The following VWA1 variants were observed in gnomAD, a reference collection of about 807,000 sequenced individuals.
VWA1 encodes the protein von Willebrand factor A domain-containing protein 1.
Under a neutral mutation model 14.9 loss-of-function variants are expected in VWA1, and 12 were observed. The ratio of observed to expected loss-of-function variants is 0.80; its 90% CI spans 0.52 to 1.30. The LOEUF (loss-of-function observed/expected upper bound fraction) is 1.30. Ranked by LOEUF, VWA1 falls within the 50% of genes most tolerant of loss-of-function variation. The probability of loss-of-function intolerance (pLI) is 0.00; values close to 1 mark genes in which losing one functional copy is unlikely to be tolerated. For missense variants in VWA1, 800 were observed against 649.1 expected (o/e 1.23, Z -2.53); for synonymous variants, 368 against 310.7 (o/e 1.18, Z -1.94).
chr1:1,437,251 CA>C lies in VWA1; in HGVS notation c.399del (p.Val135CysfsTer8). The C allele has an allele frequency of 6.2e-7, 1 of 1,610,528 alleles. No individual in the cohort carries two copies. Among genetic ancestry groups the C allele is most frequent in the East Asian group, 2.2e-5 (1 of 44,866 alleles). Reference protein sequence around the residue: ...QLFAEASGARPGVPKVLVWVT... With the variant: ...QLFAEASGARXGVPKVLVWVT... ...TTTGCTGAAGCATCAGGTGCCCGGC[CA>C]GGGGTGCCCAAAGTGCTGGTGTGGG... On this transcript the variant is annotated frameshift_variant, in exon 2 of 3. Coordinates refer to ENST00000476993, the MANE Select transcript of VWA1 (RefSeq NM_022834.5). LOFTEE classifies it high-confidence loss of function.
Position 1,439,985 on chromosome 1 carries a change from G to T in VWA1, c.*198G>T. 1.8e-6 allele frequency: 1 copy of T among 566,534 alleles called. No homozygotes were observed. 35.1% of individuals were successfully genotyped at this position (566,534 alleles called of 1,614,324 possible). A position where few individuals can be genotyped will look rare whatever the true frequency, so the allele number is the denominator to read the frequency against. ...GCCTGCCCTCCAGGGCTGGGGCCTC[G>T]CCTGGCGGGACCCCGCAGCAGCCCC... On this transcript the variant is annotated 3_prime_UTR_variant, in exon 3 of 3. Transcript: ENST00000476993.
chr1:1,439,116 A>C lies in VWA1; in HGVS notation c.667A>C (p.Ile223Leu). ...GCCGCAGCAGCTCCATGCCACGGAG[A>C]TCACGTCCAGCGGCTTCCGCCTGGC... ...MRPQQLHATE[I>L]TSSGFRLAWP... The change falls in exon 3 of 3, where the codon ATC becomes CTC. Residue 223 changes from isoleucine to leucine, a missense_variant. Physicochemically the swap from Ile to Leu is conservative, Grantham distance 5 (BLOSUM62 2). Transcript: ENST00000476993. 3 of 1,600,374 alleles carry C rather than the reference A, an allele frequency of 1.9e-6. No homozygotes were observed. The highest frequency in any genetic ancestry group is 2.5e-6 in the Non-Finnish European group (3 of 1,179,490).
In VWA1 at chr1:1,441,310, G is replaced by C. The variant is rs1413375095; in HGVS notation, c.*1523G>C. The C allele has an allele frequency of 6.6e-6, 1 of 152,296 alleles. No individual in the cohort carries two copies. Among genetic ancestry groups the C allele is most frequent in the Admixed American group, 6.5e-5 (1 of 15,284 alleles). The allele number at this position is 152,296 out of a possible 1,614,324, so 9.4% of individuals were successfully genotyped here. ...AAACCCAAGGCCACACCGCCCACCA[G>C]CTGGGTGTGGTCACCATTCATGGAG... On this transcript the variant is annotated 3_prime_UTR_variant, in exon 3 of 3. Transcript: ENST00000476993.
chr1:1,437,170 A>G lies in VWA1; in HGVS notation c.317A>G (p.Gln106Arg), dbSNP rs1638563269. 6.2e-7 allele frequency: 1 copy of G among 1,610,660 alleles called. No homozygotes were observed. Among genetic ancestry groups the G allele is most frequent in the Admixed American group, 1.7e-5 (1 of 59,812 alleles). ...CAGGATGCGGTGCGTGCTTCTGCCC[A>G]GCGCATGGGTGACACCCACACTGGC... is the stretch of plus-strand genomic sequence containing the variant. ...AAQDAVRASA[Q>R]RMGDTHTGLA... Residue 106 changes from glutamine to arginine, a missense_variant, in exon 2 of 3, where the codon CAG becomes CGG. Physicochemically the swap from Gln to Arg is conservative, Grantham distance 43. Coordinates refer to ENST00000476993, the MANE Select transcript of VWA1 (RefSeq NM_022834.5).
At chr1:1,436,476 CT>C (rs1638544855) in intron 1 of VWA1, among the ~76,000 whole-genome samples, 1 of 152,238 alleles carries the variant, frequency 6.6e-6, no homozygotes, top group Non-Finnish European at 1.5e-5. Flanking sequence ...ACACCTTCCC[CT>C]GCTGCTGTGT....
In VWA1 at chr1:1,436,979, A is replaced by G; in HGVS notation, c.126A>G (p.Ser42=). ...RGDLMFLLDS[S]ASVSHYEFSR... is the part of the protein sequence containing the mutation. Reference sequence around the variant, plus strand: ...ACCTGATGTTCCTGCTGGACAGCTCAGCCAGCGTCTCTCACTACGAGTTCT... The same window carrying G: ...ACCTGATGTTCCTGCTGGACAGCTCGGCCAGCGTCTCTCACTACGAGTTCT... Residue 42 remains serine (S), a synonymous_variant, in exon 2 of 3, where the codon TCA becomes TCG. Coordinates refer to ENST00000476993, the MANE Select transcript of VWA1 (RefSeq NM_022834.5). 1 of 1,612,576 alleles carries G rather than the reference A, an allele frequency of 6.2e-7. No homozygotes were observed. The highest frequency in any genetic ancestry group is 1.3e-5 in the African/African-American group (1 of 75,058).
In VWA1 at chr1:1,439,777, G is replaced by T; in HGVS notation, c.1328G>T (p.Arg443Leu). The stretch of plus-strand genomic sequence containing the variant: ...GCCCCGACCCCGGGGACCGCCAGCC[G>T]TGAGCCGTAAGCCGGCGTCCCCGCC... The part of the protein sequence containing the change: ...PRAPTPGTAS[R>L]EP Residue 443 changes from arginine to leucine, a missense_variant, in exon 3 of 3, where the codon CGT becomes CTT. Coordinates refer to ENST00000476993, the MANE Select transcript of VWA1 (RefSeq NM_022834.5). The T allele has an allele frequency of 9.3e-7, 1 of 1,080,474 alleles. No homozygotes were observed. Among genetic ancestry groups the T allele is most frequent in the Non-Finnish European group, 1.1e-6 (1 of 891,940 alleles). The allele number at this position is 1,080,474 out of a possible 1,614,324, so 66.9% of individuals were successfully genotyped here.
rs572587594 is a variant in VWA1, at chr1:1,437,411, C to G, written c.558C>G (p.Ala186=). ...LELSAAASAP[A]EKHLHFVDVD... ...TGTCAGCCGCTGCCTCAGCCCCTGCCGAGAAGCACCTGCACTTTGTGGACG... is the reference window on the plus strand; with the variant it reads ...TGTCAGCCGCTGCCTCAGCCCCTGCGGAGAAGCACCTGCACTTTGTGGACG... The change falls in exon 2 of 3, where the codon GCC becomes GCG. Residue 186 remains alanine, a synonymous_variant. Coordinates refer to ENST00000476993, the MANE Select transcript of VWA1 (RefSeq NM_022834.5). 3.1e-6 allele frequency: 5 copies of G among 1,612,682 alleles called. No homozygotes were observed. In the Admixed American group the frequency reaches 5.0e-5, roughly 16 times the overall value.
chr1:1,439,196 C>A lies in VWA1; in HGVS notation c.747C>A (p.Pro249=). The change falls in exon 3 of 3, where the codon CCC becomes CCA. Residue 249 remains proline, a synonymous_variant. Coordinates refer to ENST00000476993, the MANE Select transcript of VWA1 (RefSeq NM_022834.5). ...DSGYYVLELV[P]SAQPGAARRQ... is the part of the protein sequence containing the mutation. ...GCTACTATGTGCTGGAGCTGGTGCC[C>A]AGCGCCCAGCCGGGGGCTGCAAGAC... 6.2e-7 allele frequency: 1 copy of A among 1,606,294 alleles called. No individual in the cohort carries two copies.
rs759437279 is a variant in VWA1, at chr1:1,442,808, C to T, written c.*3021C>T. On this transcript the variant is annotated 3_prime_UTR_variant, in exon 3 of 3. Coordinates refer to ENST00000476993, the MANE Select transcript of VWA1 (RefSeq NM_022834.5). ...GGGTGTCCAAGCGTGGGCCACGCTGCTGGGAGCCACCTAGGGAAGCAGGTC... is the reference window on the plus strand; with the variant it reads ...GGGTGTCCAAGCGTGGGCCACGCTGTTGGGAGCCACCTAGGGAAGCAGGTC... 2 of 120,976 alleles carry T rather than the reference C, an allele frequency of 1.7e-5. No individual in the cohort carries two copies. Among genetic ancestry groups the T allele is most frequent in the African/African-American group, 3.2e-5 (1 of 31,174 alleles). The allele number at this position is 120,976 out of a possible 1,614,324, so 7.5% of individuals were successfully genotyped here.
chr1:1,439,050 G>C (rs1638601161), intron 2 of VWA1, 31 bp from the exon 3 acceptor site: 1 of 1,586,770 alleles, frequency 6.3e-7, no homozygotes, highest in African/African-American at 1.3e-5. Context: ...GGAACTGACC[G>C]CTGTTCCCTG....
Position 1,437,477 on chromosome 1 carries a change from C to T in VWA1, c.624C>T (p.Ser208=). 1 of 1,601,090 alleles carries T rather than the reference C, an allele frequency of 6.2e-7. No homozygotes were observed. The highest frequency in any genetic ancestry group is 8.5e-7 in the Non-Finnish European group (1 of 1,170,784). The change falls in exon 2 of 3, where the codon TCC becomes TCT. Residue 208 remains serine, a synonymous_variant. Coordinates refer to ENST00000476993, the MANE Select transcript of VWA1 (RefSeq NM_022834.5). The part of the protein sequence containing the change: ...LHIIVQELRG[S]ILDAMRPQQL... Reference sequence around the variant, plus strand: ...TCATTGTCCAAGAGCTGAGGGGCTCCATTCTCGGTATGCGGGAGGAGGCAG... The same window carrying T: ...TCATTGTCCAAGAGCTGAGGGGCTCTATTCTCGGTATGCGGGAGGAGGCAG...
rs770459269 is a variant in VWA1 at position 1,437,199 on chromosome 1, G to A, written c.346G>A (p.Ala116Thr). The part of the protein sequence containing the change: ...QRMGDTHTGL[A>T]LVYAKEQLFA... ...CATGGGTGACACCCACACTGGCCTGGCGCTGGTCTATGCCAAGGAACAGCT... is the reference window on the plus strand; with the variant it reads ...CATGGGTGACACCCACACTGGCCTGACGCTGGTCTATGCCAAGGAACAGCT... Residue 116 changes from alanine (A) to threonine (T), a missense_variant, in exon 2 of 3, where the codon GCG (alanine) becomes ACG (threonine). By Grantham distance (58) the Ala-to-Thr change is moderately conservative (BLOSUM62 0). Transcript: ENST00000476993. The A allele has an allele frequency of 1.9e-6, 3 of 1,611,848 alleles. No homozygotes were observed. The highest frequency in any genetic ancestry group is 3.3e-5 in the Admixed American group (2 of 59,854).
Position 1,440,084 on chromosome 1 carries a change from G to C in VWA1, c.*297G>C, listed in dbSNP as rs1443871665. ...AATTGAGAGCGTCAGACCCAGGACT[G>C]TTCAGGGAGGAGCCCCGGTCAGACT... On this transcript the variant is annotated 3_prime_UTR_variant, in exon 3 of 3. Transcript: ENST00000476993. 5.5e-6 allele frequency: 1 copy of C among 182,066 alleles called. No homozygotes were observed. Among genetic ancestry groups the C allele is most frequent in the African/African-American group, 2.4e-5 (1 of 41,672 alleles). The allele number at this position is 182,066 out of a possible 1,614,324, so 11.3% of individuals were successfully genotyped here.
Position 1,437,156 on chromosome 1 carries a change from G to A in VWA1, c.303G>A (p.Val101=). The change falls in exon 2 of 3, where the codon GTG becomes GTA. Residue 101 remains valine (V), a synonymous_variant. Transcript: ENST00000476993. ...CGGGTGAGGCTGCCCAGGATGCGGT[G>A]CGTGCTTCTGCCCAGCGCATGGGTG... ...HSSGEAAQDA[V]RASAQRMGDT... 1.2e-6 allele frequency: 2 copies of A among 1,609,384 alleles called. No homozygotes were observed. Among genetic ancestry groups the A allele is most frequent in the Non-Finnish European group, 1.7e-6 (2 of 1,177,692 alleles).
At position 1,439,273 on chromosome 1, in the gene VWA1, C is replaced by T. The variant is rs752848633; in HGVS notation, c.824C>T (p.Pro275Leu). 1.2e-6 allele frequency: 2 copies of T among 1,605,306 alleles called. No homozygotes were observed. Among genetic ancestry groups the T allele is most frequent in the Non-Finnish European group, 1.7e-6 (2 of 1,178,138 alleles). Residue 275 changes from proline to leucine, a missense_variant, in exon 3 of 3, where the codon CCG (proline) becomes CTG (leucine). Pro to Leu is a moderately conservative substitution (Grantham distance 98). Coordinates refer to ENST00000476993, the MANE Select transcript of VWA1 (RefSeq NM_022834.5). ...ATDWIWAGLDPDTDYDVALVP... is the reference protein window; with the variant it reads ...ATDWIWAGLDLDTDYDVALVP... The stretch of plus-strand genomic sequence containing the variant: ...GACTGGATCTGGGCCGGCCTCGACC[C>T]GGACACGGACTACGACGTGGCGCTA...
At chr1:1,438,747 C>T (rs940820897) in intron 2 of VWA1, among the ~76,000 whole-genome samples, 1 of 152,156 alleles carries the variant, frequency 6.6e-6, no homozygotes, top group Admixed American at 6.5e-5. Context: ...CAGGCACCAC[C>T]GTGGACTCTG....
chr1:1,441,443 G>C lies in VWA1; in HGVS notation c.*1656G>C, dbSNP rs1259928757. 2 of 152,738 alleles carry C rather than the reference G, an allele frequency of 1.3e-5. No homozygotes were observed. Among genetic ancestry groups the C allele is most frequent in the African/African-American group, 4.8e-5 (2 of 41,466 alleles). The allele number at this position is 152,738 out of a possible 1,614,324, so 9.5% of individuals were successfully genotyped here. A position where few individuals can be genotyped will look rare whatever the true frequency, so the allele number is the denominator to read the frequency against. On this transcript the variant is annotated 3_prime_UTR_variant, in exon 3 of 3. Coordinates refer to ENST00000476993, the MANE Select transcript of VWA1 (RefSeq NM_022834.5). The stretch of plus-strand genomic sequence containing the variant: ...GTGTGCAGGGGGTGTCTGTGGGGGG[G>C]CCCTGCTGGCTGGACTTTGGGTTTC...
rs1189341242 is a variant in VWA1 at position 1,442,477 on chromosome 1, A to G, written c.*2690A>G. 1 of 152,290 alleles carries G rather than the reference A, an allele frequency of 6.6e-6. No homozygotes were observed. Among genetic ancestry groups the G allele is most frequent in the Admixed American group, 6.5e-5 (1 of 15,270 alleles). The allele number at this position is 152,290 out of a possible 1,614,324, so 9.4% of individuals were successfully genotyped here. On this transcript the variant is annotated 3_prime_UTR_variant, in exon 3 of 3. Coordinates refer to ENST00000476993, the MANE Select transcript of VWA1 (RefSeq NM_022834.5). ...GACCCCGAAGGGAGGCTGCTCCCAC[A>G]CCTGCGCCAGTTTCCACCCTCTCTG...
Sources: allele counts gnomAD v4.1 joint callset (sites outside exome capture counted in the v4.1 genomes callset), GRCh38; gene constraint gnomAD v4.1.1; transcripts MANE v1.5; gene names NCBI Gene and HGNC (gene_info 2026-07-23, HGNC 2026-07-21).